The following LDLRAD4 variants were observed in gnomAD, a reference collection of about 807,000 sequenced individuals.
The protein encoded by LDLRAD4 is low density lipoprotein receptor class A domain containing 4.
In LDLRAD4, 5 loss-of-function variants were observed where a neutral mutation model predicts 17.0. The observed-to-expected ratio is 0.29, with a 90% CI of 0.15 to 0.62. The LOEUF (loss-of-function observed/expected upper bound fraction) is 0.62, where lower values mean the gene tolerates loss of function less well. Ranked by LOEUF, LDLRAD4 falls within the 20% of genes least tolerant of loss-of-function variation. The pLI is 0.84. For missense variants in LDLRAD4, 340 were observed against 424.7 expected (o/e 0.80, Z 1.75); for synonymous variants, 168 against 171.8 (o/e 0.98, Z 0.17).
intron 1 of LDLRAD4, among the ~76,000 whole-genome samples, chr18:13,307,863 T>C (rs1165608549): frequency 6.6e-6 from 1 of 152,256 alleles, no homozygotes; most frequent in Non-Finnish European, 1.5e-5. Context: ...AGGCCATTAG[T>C]AGTTACATTT....
rs143718111 is a variant in LDLRAD4 at position 13,642,425 on chromosome 18, TG to T, written c.337-932del. The T allele has an allele frequency of 8.9e-3, 10,284 of 1,153,678 alleles. 99 individuals are homozygous for T. Among genetic ancestry groups the T allele is most frequent in the East Asian group, 0.06 (1,428 of 23,772 alleles). The allele number at this position is 1,153,678 out of a possible 1,614,324, so 71.5% of individuals were successfully genotyped here. A position where few individuals can be genotyped will look rare whatever the true frequency, so the allele number is the denominator to read the frequency against. ...TTTTTTCCCAGCACGCGTGGGGCCT[TG>T]GAAAGAACCTTTACTGAGGCCTGTG... is the stretch of plus-strand genomic sequence containing the variant. On this transcript the variant is annotated intron_variant, in intron 4 of 5. Coordinates refer to ENST00000359446, the Ensembl canonical transcript of LDLRAD4.
chr18:13,227,948 T>C (rs902914113), intron 1 of LDLRAD4, among the ~76,000 whole-genome samples: 3 of 152,234 alleles, frequency 2.0e-5, no homozygotes, highest in Non-Finnish European at 4.4e-5. Flanking sequence ...CTGTGTTTTG[T>C]ACCAAAGCTT....
At chr18:13,525,048 T>C (rs942366648) in intron 3 of LDLRAD4, among the ~76,000 whole-genome samples, 12 of 152,190 alleles carry the variant, frequency 7.9e-5, no homozygotes, top group Admixed American at 5.2e-4. Context: ...TTTGCATGGA[T>C]GTGTGCGTGC....
chr18:13,619,515 C>CGG (rs71366065), intron 3 of LDLRAD4, among the ~76,000 whole-genome samples: 1,858 of 47,774 alleles, frequency 0.039, 118 homozygotes, highest in African/African-American at 0.16. Flanking sequence ...GGGGTGGGGC[C>CGG]GGGGGGGGGC....
intron 2 of LDLRAD4, among the ~76,000 whole-genome samples, chr18:13,395,265 C>A (rs1050430664): frequency 6.6e-6 from 1 of 151,078 alleles, no homozygotes; most frequent in East Asian, 2.0e-4. Flanking sequence ...TCTTCCCCGT[C>A]TTCTTTCATA....
At chr18:13,342,806 A>T (rs969564149) in intron 1 of LDLRAD4, among the ~76,000 whole-genome samples, 2 of 151,578 alleles carry the variant, frequency 1.3e-5, no homozygotes, top group African/African-American at 4.8e-5. Context: ...CATTCTACCA[A>T]CCTACAGCTT....
chr18:13,351,586 A>G (rs1442920875), intron 1 of LDLRAD4, among the ~76,000 whole-genome samples: 4 of 152,106 alleles, frequency 2.6e-5, no homozygotes, highest in African/African-American at 4.8e-5. Context: ...GAATCCCTGA[A>G]TAGACCAATA....
chr18:13,342,529 T>C (rs1342104282), intron 1 of LDLRAD4, among the ~76,000 whole-genome samples: 6 of 148,634 alleles, frequency 4.0e-5, no homozygotes, highest in African/African-American at 1.5e-4. Context: ...TCATGGTTTA[T>C]TCCTAAATAT....
intron 3 of LDLRAD4, among the ~76,000 whole-genome samples, chr18:13,553,034 G>C (rs370732842): frequency 6.6e-6 from 1 of 152,196 alleles, no homozygotes; most frequent in African/African-American, 2.4e-5. Flanking sequence ...TCTGAAAAAT[G>C]ATAAGAGGTT....
chr18:13,516,689 A>G (rs959457102), intron 3 of LDLRAD4, among the ~76,000 whole-genome samples: 8 of 152,202 alleles, frequency 5.3e-5, no homozygotes, highest in African/African-American at 1.4e-4. Flanking sequence ...TAAATTCTGT[A>G]TAAGGTCATA....
intron 3 of LDLRAD4, among the ~76,000 whole-genome samples, chr18:13,518,318 G>A (rs571558773): frequency 9.2e-5 from 14 of 152,174 alleles, no homozygotes; most frequent in Non-Finnish European, 1.6e-4. Context: ...GCTGTGTCTC[G>A]TGTTACTAGA....
chr18:13,511,820 A>C (rs4121593), intron 3 of LDLRAD4, among the ~76,000 whole-genome samples: 83,518 of 152,064 alleles, frequency 0.55, 25,295 homozygotes, highest in South Asian at 0.71. Flanking sequence ...CCCCAGACCT[A>C]AAACAAAGAG....
At chr18:13,544,754 A>G (rs944646333) in intron 3 of LDLRAD4, among the ~76,000 whole-genome samples, 1 of 152,198 alleles carries the variant, frequency 6.6e-6, no homozygotes, top group Non-Finnish European at 1.5e-5. Context: ...GACAGAAGCC[A>G]TCTTTATAAT....
chr18:13,448,401 G>A (rs2146328807), intron 3 of LDLRAD4, among the ~76,000 whole-genome samples: 1 of 152,264 alleles, frequency 6.6e-6, no homozygotes, highest in South Asian at 2.1e-4. Flanking sequence ...ATTTCTTCAT[G>A]CTGGGTCTCT....
intron 3 of LDLRAD4, among the ~76,000 whole-genome samples, chr18:13,563,776 T>A (rs1006676865): frequency 2.0e-5 from 3 of 152,246 alleles, no homozygotes; most frequent in African/African-American, 7.2e-5. Context: ...GACCGACCCC[T>A]GTTCTCAAGG....
chr18:13,345,343 G>A (rs11659822), intron 1 of LDLRAD4, among the ~76,000 whole-genome samples: 30,108 of 152,104 alleles, frequency 0.2, 3,634 homozygotes, highest in South Asian at 0.27. Context: ...AGATAATCAT[G>A]TGGTTTTTGT....
intron 3 of LDLRAD4, among the ~76,000 whole-genome samples, chr18:13,600,241 A>T (rs2095145733): frequency 6.6e-6 from 1 of 152,252 alleles, no homozygotes; most frequent in South Asian, 2.1e-4. Flanking sequence ...AAATGAATTA[A>T]TTGAAGTCCA....
At chr18:13,461,325 T>G (rs1371757968) in intron 3 of LDLRAD4, 1 of 152,168 alleles carries the variant, frequency 6.6e-6, no homozygotes, top group Non-Finnish European at 1.5e-5. Flanking sequence ...GAGGACATAG[T>G]AAACAAAGGT....
At chr18:13,283,756 C>G (rs2045431596) in intron 1 of LDLRAD4, among the ~76,000 whole-genome samples, 1 of 152,212 alleles carries the variant, frequency 6.6e-6, no homozygotes, top group South Asian at 2.1e-4. Context: ...GTGCTCCACT[C>G]TACTGATACC....
Sources: gnomAD v4.1 joint callset for allele counts (sites outside exome capture counted in the v4.1 genomes callset) on GRCh38, gnomAD v4.1.1 for gene constraint, MANE v1.5 for transcripts, NCBI Gene and HGNC (gene_info 2026-07-23, HGNC 2026-07-21) for gene names.